The following EMCN variants were observed in gnomAD, a reference collection of about 807,000 sequenced individuals.
EMCN encodes MUC-14.
EMCN carries 37 observed loss-of-function variants against 38.4 expected under a neutral mutation model. The observed-to-expected ratio is 0.96, with a 90% CI of 0.74 to 1.27. The LOEUF is 1.27. Ranked by LOEUF, EMCN falls within the 50% of genes most tolerant of loss-of-function variation. The pLI is 0.00. For synonymous variants in EMCN, 95 were observed against 100.8 expected (o/e 0.94, Z 0.35); for missense variants, 318 against 302.8 (o/e 1.05, Z -0.37).
chr4:100,417,142 C>A lies in EMCN; in HGVS notation c.665-1G>T. ...TGATCATTTCCATTTTCTGGTGTGC[C>A]TAGGAGAAGAGGGAGTTGTTATTAG... On this transcript the variant is annotated splice_acceptor_variant, in intron 8 of 11. Transcript: ENST00000296420. LOFTEE classifies it high-confidence loss of function. The A allele has an allele frequency of 4.3e-6, 7 of 1,613,734 alleles. No homozygotes were observed. The highest frequency in any genetic ancestry group is 5.1e-6 in the Non-Finnish European group (6 of 1,179,742).
At chr4:100,433,769 C>T (rs1325240166) in intron 5 of EMCN, among the ~76,000 whole-genome samples, 1 of 152,044 alleles carries the variant, frequency 6.6e-6, no homozygotes, top group African/African-American at 2.4e-5. Flanking sequence ...CTCCTGACCT[C>T]AGGTGATCCT....
At chr4:100,516,207 C>T (rs957866639) in intron 1 of EMCN, among the ~76,000 whole-genome samples, 3 of 151,998 alleles carry the variant, frequency 2.0e-5, no homozygotes, top group Non-Finnish European at 4.4e-5. Flanking sequence ...CCAAAATGAC[C>T]ATAACAGAAA....
intron 8 of EMCN, among the ~76,000 whole-genome samples, chr4:100,419,601 A>G (rs765310087): frequency 6.6e-6 from 1 of 152,156 alleles, no homozygotes; most frequent in African/African-American, 2.4e-5. Flanking sequence ...AAATAAATTT[A>G]GCACATTAAT....
intron 5 of EMCN, among the ~76,000 whole-genome samples, chr4:100,446,656 G>T (rs765781626): frequency 4.6e-5 from 7 of 152,028 alleles, no homozygotes; most frequent in Non-Finnish European, 8.8e-5. Context: ...CTCGTGTCAT[G>T]GGGAGTTGTT....
At chr4:100,477,293 C>A (rs750917627) in intron 2 of EMCN, among the ~76,000 whole-genome samples, 2 of 152,102 alleles carry the variant, frequency 1.3e-5, no homozygotes, top group Non-Finnish European at 2.9e-5. Flanking sequence ...TCTTTTTTAT[C>A]CTAGAAGTTC....
At chr4:100,405,020 G>C (rs1726355514) in intron 11 of EMCN, among the ~76,000 whole-genome samples, 1 of 151,986 alleles carries the variant, frequency 6.6e-6, no homozygotes, top group Admixed American at 6.6e-5. Flanking sequence ...CAGCTTGGAT[G>C]TTGTTGGTGT....
intron 1 of EMCN, among the ~76,000 whole-genome samples, chr4:100,499,056 T>C (rs894591970): frequency 5.1e-4 from 78 of 152,106 alleles, no homozygotes; most frequent in African/African-American, 1.9e-3. Context: ...AAGTTAATGT[T>C]CCATTTTTTT....
chr4:100,483,205 G>T (rs1728857301), intron 1 of EMCN, among the ~76,000 whole-genome samples: 1 of 152,028 alleles, frequency 6.6e-6, no homozygotes, highest in African/African-American at 2.4e-5. Context: ...ATATTCTTAT[G>T]ATCATCATTT....
intron 5 of EMCN, among the ~76,000 whole-genome samples, chr4:100,443,138 C>T (rs1727569156): frequency 6.6e-6 from 1 of 152,234 alleles, no homozygotes; most frequent in Non-Finnish European, 1.5e-5. Context: ...GCATTAGCCA[C>T]CACACCCAGC....
intron 5 of EMCN, among the ~76,000 whole-genome samples, chr4:100,428,442 C>G (rs933287409): frequency 3.3e-5 from 5 of 152,268 alleles, no homozygotes; most frequent in African/African-American, 1.2e-4. Flanking sequence ...CACATTTTCT[C>G]TTTCTCAGAG....
At chr4:100,502,708 T>A (rs1729381353) in intron 1 of EMCN, among the ~76,000 whole-genome samples, 1 of 152,346 alleles carries the variant, frequency 6.6e-6, no homozygotes, top group East Asian at 1.9e-4. Flanking sequence ...TTCACGATGA[T>A]TGCTACAGTT....
At chr4:100,474,163 A>G (rs900759085) in intron 3 of EMCN, 5 of 152,236 alleles carry the variant, frequency 3.3e-5, no homozygotes, top group African/African-American at 1.2e-4. Context: ...CAACTCGACA[A>G]TAAGAGGACA....
At chr4:100,454,737 A>T (rs528219147) in intron 4 of EMCN, among the ~76,000 whole-genome samples, 1 of 152,306 alleles carries the variant, frequency 6.6e-6, no homozygotes, top group African/African-American at 2.4e-5. Context: ...ATCTTTCTAT[A>T]AATACTAATT....
chr4:100,511,793 A>G (rs1729631124), intron 1 of EMCN, among the ~76,000 whole-genome samples: 1 of 152,172 alleles, frequency 6.6e-6, no homozygotes, highest in African/African-American at 2.4e-5. Context: ...GGGTTTTCCT[A>G]AATAGCAGAG....
chr4:100,478,325 C>T (rs1452248122), intron 2 of EMCN, among the ~76,000 whole-genome samples: 1 of 152,152 alleles, frequency 6.6e-6, no homozygotes, highest in Non-Finnish European at 1.5e-5. Flanking sequence ...TTTAATTTCC[C>T]TCCCACTGCT....
intron 2 of EMCN, among the ~76,000 whole-genome samples, chr4:100,475,402 CA>C (rs751726476): frequency 8.0e-5 from 12 of 150,432 alleles, no homozygotes; most frequent in Non-Finnish European, 5.9e-5. Flanking sequence ...TTTAAACATG[CA>C]AAAAATTGTT....
chr4:100,438,332 A>G (rs576103626), intron 5 of EMCN, among the ~76,000 whole-genome samples: 3 of 152,112 alleles, frequency 2.0e-5, no homozygotes, highest in African/African-American at 7.2e-5. Flanking sequence ...ATGTAACCCC[A>G]TGGTAAGTCA....
chr4:100,467,681 CAA>C (rs3974786), intron 3 of EMCN, among the ~76,000 whole-genome samples: 6 of 83,616 alleles, frequency 7.2e-5, no homozygotes, highest in African/African-American at 1.1e-4. Flanking sequence ...GACTCCGTCT[CAA>C]AAAAAAAAAA....
chr4:100,439,970 A>C (rs556857968), intron 5 of EMCN, among the ~76,000 whole-genome samples: 2 of 152,192 alleles, frequency 1.3e-5, no homozygotes, highest in South Asian at 4.2e-4. Context: ...CTAGTTTCAT[A>C]GCATTATAGT....
Sources: allele counts gnomAD v4.1 joint callset (sites outside exome capture counted in the v4.1 genomes callset), GRCh38; gene constraint gnomAD v4.1.1; transcripts MANE v1.5; gene names NCBI Gene and HGNC (gene_info 2026-07-23, HGNC 2026-07-21).